The following EEF2K variants were observed in gnomAD, a reference collection of about 807,000 sequenced individuals.
EEF2K encodes eukaryotic elongation factor 2 kinase.
A neutral mutation model predicts 93.8 loss-of-function variants in EEF2K; 70 were observed. The ratio of observed to expected loss-of-function variants is 0.75; its 90% CI spans 0.62 to 0.91. The LOEUF is 0.91. Among genes scored for constraint, EEF2K ranks in the 40% least tolerant of loss-of-function variants. The probability of loss-of-function intolerance (pLI) is 0.00; values close to 1 mark genes in which losing one functional copy is unlikely to be tolerated. For missense variants in EEF2K, 935 were observed against 972.9 expected, an observed-to-expected ratio of 0.96 and a Z score of 0.52; for synonymous variants, 376 against 380.8, an observed-to-expected ratio of 0.99 and a Z score of 0.15.
chr16:22,267,595 C>CAA (rs879136725), intron 15 of EEF2K, among the ~76,000 whole-genome samples: 5 of 132,816 alleles, frequency 3.8e-5, no homozygotes, highest in African/African-American at 1.1e-4. Context: ...ATCCTGTCTC[C>CAA]AAAAAAAAAA....
chr16:22,266,981 C>T lies in EEF2K; in HGVS notation c.1764+105C>T, dbSNP rs145035036. 4,392 of 1,393,592 alleles carry T rather than the reference C, an allele frequency of 3.2e-3. 9 individuals are homozygous for T. Among genetic ancestry groups the T allele is most frequent in the Middle Eastern group, 7.8e-3 (42 of 5,368 alleles). 86.3% of individuals were successfully genotyped at this position (1,393,592 alleles called of 1,614,324 possible). ...AGTCATGCATTCACCTGCCTTCTAT[C>T]CTGAGGTTTATGCATGCCACAAAAA... is the stretch of plus-strand genomic sequence containing the variant. On this transcript the variant is annotated intron_variant, in intron 15 of 17. Coordinates refer to ENST00000263026, the MANE Select transcript of EEF2K (RefSeq NM_013302.5).
At chr16:22,273,266 G>A (rs190697753) in intron 15 of EEF2K, among the ~76,000 whole-genome samples, 203 of 152,274 alleles carry the variant, frequency 1.3e-3, no homozygotes, top group Middle Eastern at 6.8e-3. Context: ...ATTAAGAGGC[G>A]GTTTATGAAG....
chr16:22,217,060 C>T (rs2046964114), intron 1 of EEF2K, among the ~76,000 whole-genome samples: 1 of 148,026 alleles, frequency 6.8e-6, no homozygotes, highest in African/African-American at 2.5e-5. Context: ...ACTCCGGCGG[C>T]TTATATGGGA....
chr16:22,228,621 G>A (rs1298215052), intron 2 of EEF2K, among the ~76,000 whole-genome samples: 1 of 152,234 alleles, frequency 6.6e-6, no homozygotes, highest in Non-Finnish European at 1.5e-5. Context: ...CAGAAAGCAG[G>A]CTTGCTTATA....
intron 1 of EEF2K, among the ~76,000 whole-genome samples, chr16:22,212,814 A>T (rs935898059): frequency 3.9e-5 from 6 of 151,926 alleles, no homozygotes; most frequent in Admixed American, 6.6e-5. Flanking sequence ...TCTACAAAAA[A>T]TTTTTTAAAA....
At chr16:22,245,692 G>C (rs989683960) in intron 3 of EEF2K, among the ~76,000 whole-genome samples, 2 of 152,160 alleles carry the variant, frequency 1.3e-5, no homozygotes, top group Non-Finnish European at 2.9e-5. Flanking sequence ...GCCAGGCCCA[G>C]GGGCTGATTT....
In EEF2K at chr16:22,286,096, C is replaced by G. The variant is rs2047750672; in HGVS notation, c.*2100C>G. The G allele has an allele frequency of 6.6e-6, 1 of 151,978 alleles. No individual in the cohort carries two copies. Among genetic ancestry groups the G allele is most frequent in the Non-Finnish European group, 1.5e-5 (1 of 67,998 alleles). The allele number at this position is 151,978 out of a possible 1,614,324, so 9.4% of individuals were successfully genotyped here. ...TGAACAATGAAGCAGGTAAAATTAC[C>G]CTTGAAAAAAATCCCTTGGACCACC... is the stretch of plus-strand genomic sequence containing the variant. On this transcript the variant is annotated 3_prime_UTR_variant, in exon 18 of 18. Transcript: ENST00000263026.
chr16:22,211,147 G>T (rs926621235), intron 1 of EEF2K, among the ~76,000 whole-genome samples: 2 of 152,166 alleles, frequency 1.3e-5, no homozygotes, highest in African/African-American at 4.8e-5. Context: ...TGGTTTTCAG[G>T]CCCCCTCTCT....
chr16:22,258,455 G>T (rs890768684), intron 9 of EEF2K, 39 bp from the exon 10 acceptor site: 1 of 1,603,922 alleles, frequency 6.2e-7, no homozygotes, highest in East Asian at 2.2e-5. Context: ...TTCCCAGAGG[G>T]TGTGTGCGTG....
intron 3 of EEF2K, among the ~76,000 whole-genome samples, chr16:22,247,109 A>G (rs2047302312): frequency 6.7e-6 from 1 of 150,076 alleles, no homozygotes; most frequent in African/African-American, 2.5e-5. Flanking sequence ...CATAGAAACT[A>G]GAACCCCTTT....
In EEF2K at chr16:22,215,826, G is replaced by A. The variant is rs145925510; in HGVS notation, c.-77+9147G>A. 5.9e-3 allele frequency among the ~76,000 whole-genome samples: 893 copies of A among 152,302 alleles called. 3 individuals are homozygous for A. Among genetic ancestry groups the A allele is most frequent in the Middle Eastern group, 0.027 (8 of 294 alleles). The stretch of plus-strand genomic sequence containing the variant: ...TGTAATCCCAGCTACTCGGGAGGCC[G>A]AGGCAGAAGAATCACTTGAATCCGG... On this transcript the variant is annotated intron_variant, in intron 1 of 17. Coordinates refer to ENST00000263026, the MANE Select transcript of EEF2K (RefSeq NM_013302.5).
intron 2 of EEF2K, among the ~76,000 whole-genome samples, chr16:22,241,934 G>A (rs1001279621): frequency 3.3e-5 from 5 of 151,972 alleles, no homozygotes; most frequent in East Asian, 1.9e-4. Flanking sequence ...TTCGAGACCA[G>A]CCTGGGCAAC....
intron 2 of EEF2K, among the ~76,000 whole-genome samples, chr16:22,228,368 A>T (rs2047084342): frequency 6.6e-6 from 1 of 152,170 alleles, no homozygotes; most frequent in East Asian, 1.9e-4. Flanking sequence ...TCACACCCGT[A>T]ATCCCAGCAC....
chr16:22,266,105 C>A (rs2047514745), intron 13 of EEF2K, among the ~76,000 whole-genome samples: 1 of 152,060 alleles, frequency 6.6e-6, no homozygotes, highest in African/African-American at 2.4e-5. Flanking sequence ...ACCTGTCGTC[C>A]CAGCTACTCG....
intron 15 of EEF2K, among the ~76,000 whole-genome samples, chr16:22,271,686 A>G (rs530501963): frequency 6.6e-5 from 10 of 152,124 alleles, no homozygotes; most frequent in African/African-American, 2.4e-4. Flanking sequence ...GCCTGGGCAA[A>G]AGATCAAGAC....
chr16:22,243,036 C>A (rs1294338284), intron 2 of EEF2K, among the ~76,000 whole-genome samples: 3 of 151,408 alleles, frequency 2.0e-5, no homozygotes, highest in Non-Finnish European at 4.4e-5. Flanking sequence ...GCACTCCGGC[C>A]TGGGGACAGG....
chr16:22,267,522 G>A lies in EEF2K; in HGVS notation c.1764+646G>A, dbSNP rs532716814. 7.2e-5 allele frequency among the ~76,000 whole-genome samples: 11 copies of A among 152,032 alleles called. No individual in the cohort carries two copies. In the South Asian group the frequency reaches 2.3e-3, roughly 32 times the overall value. ...AGGTGGGAGAATCTCTTGAACCTGGGAGACAGAGGTTATAGTGAGCTGAGA... is the reference window on the plus strand; with the variant it reads ...AGGTGGGAGAATCTCTTGAACCTGGAAGACAGAGGTTATAGTGAGCTGAGA... On this transcript the variant is annotated intron_variant, in intron 15 of 17. Transcript: ENST00000263026.
chr16:22,220,012 A>C (rs1380200488), intron 1 of EEF2K, among the ~76,000 whole-genome samples: 1 of 152,194 alleles, frequency 6.6e-6, no homozygotes, highest in African/African-American at 2.4e-5. Context: ...CCATTGACTA[A>C]AACTTGTTCA....
intron 2 of EEF2K, among the ~76,000 whole-genome samples, chr16:22,242,907 G>A (rs1391445581): frequency 8.6e-5 from 13 of 151,930 alleles, no homozygotes; most frequent in Non-Finnish European, 1.9e-4. Context: ...TGGGCAATAT[G>A]GTGAGACCCT....
Sources: allele counts gnomAD v4.1 joint callset (sites outside exome capture counted in the v4.1 genomes callset), GRCh38; gene constraint gnomAD v4.1.1; transcripts MANE v1.5; gene names NCBI Gene and HGNC (gene_info 2026-07-23, HGNC 2026-07-21).